Variants in CDH13 observed in about 807,000 individuals in gnomAD.
CDH13 encodes cadherin-13.
Under a neutral mutation model 63.8 loss-of-function variants are expected in CDH13, and 24 were observed. That is an observed-to-expected ratio of 0.38 (90% confidence interval 0.27 to 0.53). The LOEUF (loss-of-function observed/expected upper bound fraction) is 0.53, where lower values mean the gene tolerates loss of function less well. Among genes scored for constraint, CDH13 ranks in the 20% least tolerant of loss-of-function variants. CDH13 has a pLI of 0.85. For missense variants in CDH13, 1,049 were observed against 903.1 expected, an observed-to-expected ratio of 1.16 and a Z score of -2.07; for synonymous variants, 503 against 355.3, an observed-to-expected ratio of 1.42 and a Z score of -4.67.
At chr16:83,706,440 T>G (rs957984210) in intron 10 of CDH13, among the ~76,000 whole-genome samples, 1 of 152,134 alleles carries the variant, frequency 6.6e-6, no homozygotes, top group Non-Finnish European at 1.5e-5. Flanking sequence ...ATGGCCATTT[T>G]TGGAAAATGC....
chr16:82,948,978 G>A (rs1159953338), intron 2 of CDH13, among the ~76,000 whole-genome samples: 1 of 152,178 alleles, frequency 6.6e-6, no homozygotes, highest in Non-Finnish European at 1.5e-5. Context: ...AAAATTCAGT[G>A]ACTGTAAACA....
At chr16:83,075,980 G>T (rs2032806667) in intron 3 of CDH13, among the ~76,000 whole-genome samples, 1 of 152,210 alleles carries the variant, frequency 6.6e-6, no homozygotes. Flanking sequence ...AACCAGGAAT[G>T]AGAGGGGAAA....
rs184009376 is a variant in CDH13, at chr16:83,040,326, A to G, written c.366+8108A>G. On this transcript the variant is annotated intron_variant, in intron 3 of 13. Coordinates refer to ENST00000567109, the MANE Select transcript of CDH13 (RefSeq NM_001257.5). ...GAGTTTATTAGGAGAATTGACTCAC[A>G]TCATCACAAGGTAAAGTCCCATCGT... 2.0e-3 allele frequency among the ~76,000 whole-genome samples: 304 copies of G among 152,310 alleles called. 1 individual carries two copies. Among genetic ancestry groups the G allele is most frequent in the Middle Eastern group, 0.017 (5 of 294 alleles).
Position 83,079,926 on chromosome 16 carries a change from A to G in CDH13, c.367-45459A>G, listed in dbSNP as rs1017149600. ...AATTTCAGCCTAATGCTGATAGACA[A>G]TGTCAACTGGATAAAGTTGAGTCGC... On this transcript the variant is annotated intron_variant, in intron 3 of 13. Transcript: ENST00000567109. 1.1e-4 allele frequency among the ~76,000 whole-genome samples: 17 copies of G among 152,360 alleles called. 1 individual carries two copies. The highest frequency in any genetic ancestry group is 5.2e-4 in the Admixed American group (8 of 15,300).
At chr16:83,610,517 C>T (rs114919257) in intron 8 of CDH13, among the ~76,000 whole-genome samples, 4 of 152,126 alleles carry the variant, frequency 2.6e-5, no homozygotes, top group Admixed American at 6.6e-5. Context: ...ACCACCTGCT[C>T]GGTAAAACAG....
intron 7 of CDH13, among the ~76,000 whole-genome samples, chr16:83,538,074 C>A (rs529949927): frequency 3.3e-5 from 5 of 152,070 alleles, no homozygotes; most frequent in East Asian, 1.9e-4. Flanking sequence ...GTTGAATATG[C>A]GCTATGTTTT....
chr16:83,529,091 C>CTTTTTTTTTT (rs10562201), intron 7 of CDH13, among the ~76,000 whole-genome samples: 7 of 140,494 alleles, frequency 5.0e-5, no homozygotes, highest in Non-Finnish European at 6.2e-5. Flanking sequence ...ATACCTCTGT[C>CTTTTTTTTTT]TTTTTTTTTT....
Position 83,060,991 on chromosome 16 carries a change from C to T in CDH13, c.366+28773C>T, listed in dbSNP as rs117726536. On this transcript the variant is annotated intron_variant, in intron 3 of 13. Coordinates refer to ENST00000567109, the MANE Select transcript of CDH13 (RefSeq NM_001257.5). Reference sequence around the variant, plus strand: ...AATGACTCTCACTCCTACACTCCTGCAGAGGGCCTGGCACATAGTGGGTGC... The same window carrying T: ...AATGACTCTCACTCCTACACTCCTGTAGAGGGCCTGGCACATAGTGGGTGC... 2.3e-3 allele frequency among the ~76,000 whole-genome samples: 352 copies of T among 152,326 alleles called. 2 individuals are homozygous for T. Among genetic ancestry groups the T allele is most frequent in the Non-Finnish European group, 3.8e-3 (261 of 68,016 alleles).
intron 1 of CDH13, among the ~76,000 whole-genome samples, chr16:82,835,198 C>T (rs1008834976): frequency 2.0e-5 from 3 of 152,164 alleles, no homozygotes; most frequent in African/African-American, 7.2e-5. Context: ...GTGCATTTTG[C>T]ACTTAACAGC....
intron 2 of CDH13, among the ~76,000 whole-genome samples, chr16:82,974,521 A>G (rs1909225045): frequency 6.6e-6 from 1 of 152,226 alleles, no homozygotes; most frequent in African/African-American, 2.4e-5. Context: ...AATGATATCC[A>G]CATTCTAATA....
chr16:82,933,051 G>T (rs1025715002), intron 2 of CDH13, among the ~76,000 whole-genome samples: 3 of 152,008 alleles, frequency 2.0e-5, no homozygotes, highest in Non-Finnish European at 2.9e-5. Flanking sequence ...TTTGAGAAAG[G>T]GGTTTGCATG....
chr16:82,689,441 A>C (rs1188072415), intron 1 of CDH13, among the ~76,000 whole-genome samples: 1 of 152,188 alleles, frequency 6.6e-6, no homozygotes, highest in African/African-American at 2.4e-5. Flanking sequence ...CTCCTTTTAC[A>C]TAACATTGGA....
chr16:83,519,768 G>T (rs984362960), intron 7 of CDH13, among the ~76,000 whole-genome samples: 5 of 152,150 alleles, frequency 3.3e-5, no homozygotes, highest in African/African-American at 1.2e-4. Flanking sequence ...CAAGCAGCAT[G>T]GCAAAGGTAC....
chr16:82,638,266 C>T (rs1908932524), intron 1 of CDH13, among the ~76,000 whole-genome samples: 1 of 152,194 alleles, frequency 6.6e-6, no homozygotes, highest in East Asian at 1.9e-4. Flanking sequence ...CTGGCCTGGA[C>T]CCAGAGCTGC....
intron 6 of CDH13, among the ~76,000 whole-genome samples, chr16:83,354,531 G>A (rs1290764587): frequency 6.6e-6 from 1 of 152,162 alleles, no homozygotes; most frequent in Non-Finnish European, 1.5e-5. Flanking sequence ...AAATGGATAA[G>A]CCAGATAATT....
At chr16:83,171,652 G>C in intron 4 of CDH13, 1 of 1,126,996 alleles carries the variant, frequency 8.9e-7, no homozygotes, top group East Asian at 2.6e-5. Flanking sequence ...TGCCATCAGG[G>C]GATTTAGTGA....
chr16:83,218,960 C>T (rs779449354), intron 5 of CDH13, among the ~76,000 whole-genome samples: 2 of 152,174 alleles, frequency 1.3e-5, no homozygotes, highest in East Asian at 1.9e-4. Flanking sequence ...TGTTCTTCCT[C>T]CATCTTCTGC....
intron 4 of CDH13, among the ~76,000 whole-genome samples, chr16:83,195,873 T>C (rs1471576186): frequency 2.0e-5 from 3 of 152,140 alleles, no homozygotes; most frequent in Non-Finnish European, 4.4e-5. Flanking sequence ...GGAGGAAGGA[T>C]AGATCCTTCA....
intron 6 of CDH13, among the ~76,000 whole-genome samples, chr16:83,448,088 C>T (rs1040032638): frequency 1.3e-5 from 2 of 152,260 alleles, no homozygotes; most frequent in South Asian, 2.1e-4. Flanking sequence ...AATATGGTCC[C>T]CATCTTTTAT....
Sources: gnomAD v4.1 joint callset for allele counts (sites outside exome capture counted in the v4.1 genomes callset) on GRCh38, gnomAD v4.1.1 for gene constraint, MANE v1.5 for transcripts, NCBI Gene and HGNC (gene_info 2026-07-23, HGNC 2026-07-21) for gene names.